The following KCNQ3 variants were observed in gnomAD, a reference collection of about 807,000 sequenced individuals.
The protein encoded by KCNQ3 is potassium voltage-gated channel subfamily Q member 3.
Under a neutral mutation model 92.5 loss-of-function variants are expected in KCNQ3, and 30 were observed. That is an observed-to-expected ratio of 0.32 (90% CI 0.24 to 0.44). The LOEUF is 0.44. KCNQ3 is among the 20% of genes least tolerant of loss of function. KCNQ3 has a pLI of 1.00. For missense variants in KCNQ3, 913 were observed against 1,140.3 expected, an observed-to-expected ratio of 0.80 and a Z score of 2.87; for synonymous variants, 450 against 468.8, an observed-to-expected ratio of 0.96 and a Z score of 0.52.
At chr8:132,287,395 C>T (rs981787535) in intron 1 of KCNQ3, among the ~76,000 whole-genome samples, 1 of 152,180 alleles carries the variant, frequency 6.6e-6, no homozygotes, top group Non-Finnish European at 1.5e-5. Flanking sequence ...TTAAATTTGA[C>T]AATCCAGAAA....
At chr8:132,208,840 C>A (rs1289801557) in intron 1 of KCNQ3, among the ~76,000 whole-genome samples, 1 of 152,108 alleles carries the variant, frequency 6.6e-6, no homozygotes. Context: ...TAGTACCATA[C>A]CTGGCACATA....
chr8:132,454,979 A>G (rs529234403), intron 1 of KCNQ3, among the ~76,000 whole-genome samples: 1 of 152,316 alleles, frequency 6.6e-6, no homozygotes, highest in South Asian at 2.1e-4. Flanking sequence ...TTAAAATCAC[A>G]GACAGAAAGT....
At chr8:132,351,551 G>T (rs1298155229) in intron 1 of KCNQ3, among the ~76,000 whole-genome samples, 2 of 152,178 alleles carry the variant, frequency 1.3e-5, no homozygotes, top group Non-Finnish European at 2.9e-5. Flanking sequence ...TCAAATATAG[G>T]TGTTCCCTCC....
At chr8:132,162,591 C>T (rs954712731) in intron 9 of KCNQ3, among the ~76,000 whole-genome samples, 4 of 152,216 alleles carry the variant, frequency 2.6e-5, no homozygotes, top group Non-Finnish European at 5.9e-5. Context: ...CCTTTACGAT[C>T]TCCTCAAAGG....
rs201318711 is a variant in KCNQ3 at position 132,428,552 on chromosome 8, C to CAG, written c.386+51593_386+51594dup. Among the ~76,000 whole-genome samples the CAG allele has an allele frequency of 9.2e-5, 14 of 151,444 alleles. No individual in the cohort carries two copies. In the East Asian group the frequency reaches 2.3e-3, roughly 25 times the overall value. On this transcript the variant is annotated intron_variant, in intron 1 of 14. Transcript: ENST00000388996. ...ACACACACACACATACACACACATACAGAGAGAGAGAGAGCACTTTCTACC... is the reference window on the plus strand; with the variant it reads ...ACACACACACACATACACACACATACAGAGAGAGAGAGAGAGCACTTTCTACC...
chr8:132,361,773 T>C (rs984894851), intron 1 of KCNQ3, among the ~76,000 whole-genome samples: 3 of 152,162 alleles, frequency 2.0e-5, no homozygotes, highest in East Asian at 1.9e-4. Context: ...AGTAACTGTA[T>C]TTTGGAAATT....
At chr8:132,315,925 T>C (rs1444017685) in intron 1 of KCNQ3, among the ~76,000 whole-genome samples, 1 of 152,232 alleles carries the variant, frequency 6.6e-6, no homozygotes, top group Non-Finnish European at 1.5e-5. Context: ...TTCAATCTTT[T>C]AGAGGCAGTA....
At position 132,339,942 on chromosome 8, in the gene KCNQ3, G is replaced by T. The variant is rs181653358; in HGVS notation, c.386+140205C>A. 2.4e-4 allele frequency among the ~76,000 whole-genome samples: 36 copies of T among 151,580 alleles called. No homozygotes were observed. The East Asian group carries it at 4.6e-3, about 20-fold the overall frequency. ...TCTGTAAAGAAATTTACTCTTCTGA[G>T]TGCGGGCAACAAACATAAAAAAAAA... On this transcript the variant is annotated intron_variant, in intron 1 of 14. Coordinates refer to ENST00000388996, the MANE Select transcript of KCNQ3 (RefSeq NM_004519.4).
At chr8:132,326,889 T>C (rs1282294505) in intron 1 of KCNQ3, among the ~76,000 whole-genome samples, 1 of 152,234 alleles carries the variant, frequency 6.6e-6, no homozygotes, top group Non-Finnish European at 1.5e-5. Context: ...ATTTGCCTTA[T>C]CAAAGAGACT....
intron 1 of KCNQ3, among the ~76,000 whole-genome samples, chr8:132,353,339 G>C (rs1490687521): frequency 6.6e-6 from 1 of 151,984 alleles, no homozygotes; most frequent in Non-Finnish European, 1.5e-5. Flanking sequence ...GGGAAGGGAG[G>C]GGAATTTCAG....
At chr8:132,161,581 G>A (rs1309699610) in intron 9 of KCNQ3, among the ~76,000 whole-genome samples, 2 of 151,660 alleles carry the variant, frequency 1.3e-5, no homozygotes, top group Admixed American at 6.6e-5. Context: ...TCAGTGAGCC[G>A]AGACTGTGCC....
At chr8:132,205,819 T>G (rs1173980690) in intron 1 of KCNQ3, among the ~76,000 whole-genome samples, 2 of 152,106 alleles carry the variant, frequency 1.3e-5, no homozygotes, top group Non-Finnish European at 2.9e-5. Flanking sequence ...CTGCAGGTAT[T>G]GGGGACAGCA....
intron 1 of KCNQ3, among the ~76,000 whole-genome samples, chr8:132,228,193 A>G (rs1368343336): frequency 6.6e-6 from 1 of 152,222 alleles, no homozygotes; most frequent in Non-Finnish European, 1.5e-5. Flanking sequence ...TTCTTGATTT[A>G]CAGAAATAAG....
At chr8:132,305,668 G>C (rs541925427) in intron 1 of KCNQ3, among the ~76,000 whole-genome samples, 1 of 152,082 alleles carries the variant, frequency 6.6e-6, no homozygotes, top group Admixed American at 6.6e-5. Context: ...AGCTGTACCT[G>C]CCCAACCCCC....
intron 1 of KCNQ3, among the ~76,000 whole-genome samples, chr8:132,235,018 T>C (rs1470137412): frequency 6.6e-6 from 1 of 152,180 alleles, no homozygotes; most frequent in Admixed American, 6.5e-5. Flanking sequence ...GTGAATTTTG[T>C]GGTATGTGAA....
At chr8:132,479,478 C>T (rs1303445361) in intron 1 of KCNQ3, among the ~76,000 whole-genome samples, 1 of 152,118 alleles carries the variant, frequency 6.6e-6, no homozygotes, top group East Asian at 1.9e-4. Context: ...CCCAGCCCCT[C>T]AGTCTAGGCT....
At chr8:132,250,727 T>A (rs1258904013) in intron 1 of KCNQ3, among the ~76,000 whole-genome samples, 1 of 152,124 alleles carries the variant, frequency 6.6e-6, no homozygotes, top group Non-Finnish European at 1.5e-5. Context: ...ACAGGATGCA[T>A]GGGCTCCTCC....
intron 3 of KCNQ3, 47 bp from the exon 4 acceptor site, chr8:132,180,376 T>C: frequency 6.2e-7 from 1 of 1,605,314 alleles, no homozygotes; most frequent in Non-Finnish European, 8.5e-7. Context: ...GAAAGGAAGG[T>C]CATGCGAAAG....
chr8:132,229,635 G>A (rs1434398369), intron 1 of KCNQ3, among the ~76,000 whole-genome samples: 4 of 151,886 alleles, frequency 2.6e-5, no homozygotes, highest in African/African-American at 9.7e-5. Flanking sequence ...TATTACCTGG[G>A]GCTAGAAATT....
Sources: gnomAD v4.1 joint callset for allele counts (sites outside exome capture counted in the v4.1 genomes callset) on GRCh38, gnomAD v4.1.1 for gene constraint, MANE v1.5 for transcripts, NCBI Gene and HGNC (gene_info 2026-07-23, HGNC 2026-07-21) for gene names.